PTPRC: variants seen among roughly 807,000 people sequenced by gnomAD.
PTPRC encodes protein tyrosine phosphatase receptor type C.
In PTPRC, 44 loss-of-function variants were observed where a neutral mutation model predicts 155.9. The observed-to-expected ratio is 0.28, with a 90% confidence interval of 0.22 to 0.36. PTPRC has a LOEUF of 0.36. Ranked by LOEUF, PTPRC falls within the 10% of genes least tolerant of loss-of-function variation. The pLI, the probability that PTPRC is intolerant of heterozygous loss-of-function variation, is 1.00. For missense variants in PTPRC, 1,401 were observed against 1,564.6 expected (o/e 0.90, Z 1.76); for synonymous variants, 525 against 533.1 (o/e 0.98, Z 0.21).
intron 11 of PTPRC, among the ~76,000 whole-genome samples, chr1:198,712,548 A>G (rs985550743): frequency 6.6e-6 from 1 of 152,218 alleles, no homozygotes. Context: ...TCAAATGACT[A>G]GTTACTGGAA....
At chr1:198,740,194 GA>G in intron 23 of PTPRC, among the ~76,000 whole-genome samples, 1 of 151,220 alleles carries the variant, frequency 6.6e-6, no homozygotes, top group Admixed American at 6.6e-5. Flanking sequence ...TAAATTAGAA[GA>G]AAAAATAATA....
rs762676074 is a variant in PTPRC at position 198,750,637 on chromosome 1, T to C, written c.3207+11T>C. 17 of 1,612,218 alleles carry C rather than the reference T, an allele frequency of 1.1e-5. No homozygotes were observed. In the East Asian group the frequency reaches 1.3e-4, roughly 13 times the overall value. ...AAACATGGAGACCAGGTTTGTACTT[T>C]TGAGGATTTTCTTTTAAGCCTTTCT... is the stretch of plus-strand genomic sequence containing the variant. On this transcript the variant is annotated intron_variant, in intron 29 of 32. Coordinates refer to ENST00000442510, the MANE Select transcript of PTPRC (RefSeq NM_002838.5).
At chr1:198,663,949 A>G (rs751722245) in intron 2 of PTPRC, among the ~76,000 whole-genome samples, 5 of 152,134 alleles carry the variant, frequency 3.3e-5, no homozygotes. Flanking sequence ...TATTTTTTCT[A>G]TATTAATAAT....
chr1:198,716,126 A>G (rs1439850192), intron 12 of PTPRC, among the ~76,000 whole-genome samples: 1 of 152,134 alleles, frequency 6.6e-6, no homozygotes, highest in Non-Finnish European at 1.5e-5. Flanking sequence ...CTTTCAATGA[A>G]CAGCTGAATT....
intron 17 of PTPRC, among the ~76,000 whole-genome samples, chr1:198,729,629 C>A (rs1049988498): frequency 1.3e-5 from 2 of 152,168 alleles, no homozygotes; most frequent in African/African-American, 4.8e-5. Flanking sequence ...CCTTTACTCA[C>A]TCAGCACCTG....
chr1:198,738,901 A>G (rs1258182543), intron 23 of PTPRC, among the ~76,000 whole-genome samples: 2 of 151,828 alleles, frequency 1.3e-5, no homozygotes, highest in Admixed American at 6.6e-5. Context: ...AGAGCAAAAT[A>G]ACACATGAAT....
intron 2 of PTPRC, among the ~76,000 whole-genome samples, chr1:198,678,108 T>C (rs927088544): frequency 2.0e-5 from 3 of 152,230 alleles, no homozygotes; most frequent in Non-Finnish European, 2.9e-5. Context: ...AAAATTATAT[T>C]GCTCAAAGTA....
At chr1:198,728,623 G>A (rs1322869062) in intron 16 of PTPRC, among the ~76,000 whole-genome samples, 175 bp downstream of exon 16, 6 of 152,114 alleles carry the variant, frequency 3.9e-5, no homozygotes, top group Non-Finnish European at 7.4e-5. Flanking sequence ...GGTTTTATTG[G>A]TTTGAATTAA....
rs1558030710 is a variant in PTPRC, at chr1:198,735,252, T to TGTGA, written c.2403+3_2403+6dup. The TGTGA allele has an allele frequency of 6.3e-7, 1 of 1,597,772 alleles. No homozygotes were observed. The highest frequency in any genetic ancestry group is 1.7e-5 in the Admixed American group (1 of 59,384). On this transcript the variant is annotated frameshift_variant and splice_region_variant. Transcript: ENST00000442510. LOFTEE classifies it high-confidence loss of function. Reference sequence around the variant, plus strand: ...TCATTCAGAAATTGAACATTGTAAATGTGAGTTTGCTTTTTACATAATTTT... The same window carrying TGTGA: ...TCATTCAGAAATTGAACATTGTAAATGTGAGTGAGTTTGCTTTTTACATAATTTT...
At chr1:198,639,383 CT>C (rs926264983) in intron 2 of PTPRC, 42 bp downstream of exon 2, 4 of 1,445,588 alleles carry the variant, frequency 2.8e-6, no homozygotes, top group Non-Finnish European at 2.9e-6. Context: ...TATTTTTTCT[CT>C]TTTGGAGGAA....
intron 3 of PTPRC, chr1:198,694,861 T>A (rs889707289): frequency 5.2e-6 from 5 of 968,280 alleles, no homozygotes; most frequent in Non-Finnish European, 6.1e-6. Flanking sequence ...AGACCTGATT[T>A]TACACTGAAG....
At chr1:198,656,056 AAAGATTCACAGGTGAG>A (rs1663547575) in intron 2 of PTPRC, among the ~76,000 whole-genome samples, 1 of 152,118 alleles carries the variant, frequency 6.6e-6, no homozygotes, top group African/African-American at 2.4e-5. Flanking sequence ...AAAAAACTTA[AAAGATTCACAGGTGAG>A]AATTTTGTAG....
rs1162634081 is a variant in PTPRC, at chr1:198,741,952, C to A, written c.2487C>A (p.His829Gln). ...WPDHGVPEDP[H>Q]LLLKLRRRVN... Reference sequence around the variant, plus strand: ...ACCACGGGGTGCCTGAGGATCCTCACTTGCTCCTCAAACTGAGAAGGAGAG... The same window carrying A: ...ACCACGGGGTGCCTGAGGATCCTCAATTGCTCCTCAAACTGAGAAGGAGAG... Residue 829 changes from histidine (H) to glutamine (Q), a missense_variant, in exon 24 of 33, where the codon CAC becomes CAA. Transcript: ENST00000442510. The A allele has an allele frequency of 6.2e-7, 1 of 1,611,864 alleles. No homozygotes were observed. Among genetic ancestry groups the A allele is most frequent in the East Asian group, 2.2e-5 (1 of 44,674 alleles).
chr1:198,733,713 G>A (rs542103638), intron 20 of PTPRC, among the ~76,000 whole-genome samples: 2 of 151,914 alleles, frequency 1.3e-5, no homozygotes, highest in African/African-American at 4.8e-5. Flanking sequence ...TGGCAAAGAA[G>A]TCTAGGGAAT....
Position 198,713,079 on chromosome 1 carries a change from T to C in PTPRC, c.1291+7T>C. 1 of 1,613,412 alleles carries C rather than the reference T, an allele frequency of 6.2e-7. No individual in the cohort carries two copies. The highest frequency in any genetic ancestry group is 8.5e-7 in the Non-Finnish European group (1 of 1,179,492). ...TGTTATATAAAAGAGACAGGTAATTTGTGTAGAATTTAATTTCATCAGAAA... is the reference window on the plus strand; with the variant it reads ...TGTTATATAAAAGAGACAGGTAATTCGTGTAGAATTTAATTTCATCAGAAA... On this transcript the variant is annotated splice_region_variant and intron_variant, in intron 12 of 32. Transcript: ENST00000442510.
At position 198,748,089 on chromosome 1, in the gene PTPRC, GTTTT is replaced by G. The variant is rs57296163; in HGVS notation, c.2848-7_2848-4del. The G allele has an allele frequency of 7.7e-5, 114 of 1,473,492 alleles. No individual in the cohort carries two copies. The African/African-American group carries it at 1.3e-3, about 17-fold the overall frequency. The allele number at this position is 1,473,492 out of a possible 1,614,324, so 91.3% of individuals were successfully genotyped here. A position where few individuals can be genotyped will look rare whatever the true frequency, so the allele number is the denominator to read the frequency against. ...ATTTACATTTTAAAGGAGTTTTTCT[GTTTT>G]TTTTTTTTTTTTCAGAGACTTCCTT... On this transcript the variant is annotated splice_polypyrimidine_tract_variant and intron_variant, in intron 26 of 32. Transcript: ENST00000442510.
intron 2 of PTPRC, among the ~76,000 whole-genome samples, chr1:198,659,138 C>A (rs1663786461): frequency 6.6e-6 from 1 of 151,962 alleles, no homozygotes. Context: ...AAGGTTAGAA[C>A]TCAGAGGCCA....
At chr1:198,706,605 C>A in intron 8 of PTPRC, 129 bp from the exon 9 acceptor site, 2 of 948,528 alleles carry the variant, frequency 2.1e-6, no homozygotes, top group Non-Finnish European at 3.2e-6. Flanking sequence ...TATGGAGGCA[C>A]CTAATGTGTT....
chr1:198,752,571 GCT>G (rs1186786838), intron 30 of PTPRC, 21 bp from the exon 31 acceptor site: 1 of 1,605,256 alleles, frequency 6.2e-7, no homozygotes, highest in African/African-American at 1.3e-5. Context: ...TCCAGTTAAT[GCT>G]CTCTTCAATT....
Sources: allele counts gnomAD v4.1 joint callset (sites outside exome capture counted in the v4.1 genomes callset), GRCh38; gene constraint gnomAD v4.1.1; transcripts MANE v1.5; gene names NCBI Gene and HGNC (gene_info 2026-07-23, HGNC 2026-07-21).